Variants in SEC31A observed in about 807,000 individuals in gnomAD.
The protein encoded by SEC31A is protein transport protein Sec31A.
SEC31A carries 70 observed loss-of-function variants against 151.0 expected under a neutral mutation model. The observed-to-expected ratio is 0.46, with a 90% CI of 0.38 to 0.57. The LOEUF (loss-of-function observed/expected upper bound fraction) is 0.57. Among genes scored for constraint, SEC31A ranks in the 20% least tolerant of loss-of-function variants. SEC31A has a pLI of 0.00. For synonymous variants in SEC31A, 475 were observed against 505.9 expected (o/e 0.94, Z 0.82); for missense variants, 1,330 against 1,471.2 (o/e 0.90, Z 1.57).
At chr4:82,878,238 G>A (rs1738447173) in intron 4 of SEC31A, among the ~76,000 whole-genome samples, 1 of 151,962 alleles carries the variant, frequency 6.6e-6, no homozygotes, top group African/African-American at 2.4e-5. Context: ...GCTCACGTCT[G>A]TAATCCCAGC....
Position 82,865,536 on chromosome 4 carries a change from GTATATATA to G in SEC31A, c.1198-946_1198-939del, listed in dbSNP as rs55681370. On this transcript the variant is annotated intron_variant, in intron 10 of 26. Coordinates refer to ENST00000395310, the MANE Select transcript of SEC31A (RefSeq NM_001077207.4). ...AAATGAATGGATAAAAAAAAATGTG[GTATATATA>G]TATATATATATATATATATATATAT... Among the ~76,000 whole-genome samples, 187 of 137,142 alleles carry G rather than the reference GTATATATA, an allele frequency of 1.4e-3. 3 individuals carry two copies. Among genetic ancestry groups the G allele is most frequent in the Middle Eastern group, 8.3e-3 (2 of 240 alleles). The allele number at this position is 137,142 out of a possible 152,430, so 90.0% of individuals were successfully genotyped here. A position where few individuals can be genotyped will look rare whatever the true frequency, so the allele number is the denominator to read the frequency against.
rs33968103 is a variant in SEC31A at position 82,861,905 on chromosome 4, CTTTTT to C, written c.1549-202_1549-198del. ...CTATTACTGCTAACACTTTCCCATT[CTTTTT>C]TTTTTTTTTTTTTTTTTTTTTGAGA... On this transcript the variant is annotated intron_variant, in intron 13 of 26. Coordinates refer to ENST00000395310, the MANE Select transcript of SEC31A (RefSeq NM_001077207.4). 25 of 89,684 alleles carry C rather than the reference CTTTTT, an allele frequency of 2.8e-4. No individual in the cohort carries two copies. The South Asian group carries it at 3.5e-3, about 13-fold the overall frequency. 5.6% of individuals were successfully genotyped at this position (89,684 alleles called of 1,614,324 possible). A position where few individuals can be genotyped will look rare whatever the true frequency, so the allele number is the denominator to read the frequency against.
intron 3 of SEC31A, among the ~76,000 whole-genome samples, chr4:82,896,654 A>G (rs528791735): frequency 1.1e-4 from 16 of 152,152 alleles, no homozygotes; most frequent in Non-Finnish European, 1.9e-4. Flanking sequence ...AGCTACTTAG[A>G]GAAGCTAATT....
intron 1 of SEC31A, among the ~76,000 whole-genome samples, chr4:82,888,196 G>A (rs1741220848): frequency 1.3e-5 from 2 of 148,516 alleles, no homozygotes; most frequent in African/African-American, 2.5e-5. Flanking sequence ...CCAACATGGC[G>A]AAACCCCGTC....
At chr4:82,819,556 TAA>T (rs964148346) in intron 26 of SEC31A, among the ~76,000 whole-genome samples, 4 of 152,172 alleles carry the variant, frequency 2.6e-5, no homozygotes, top group Admixed American at 6.5e-5. Context: ...TCTCTCCACT[TAA>T]GAGAGCTTCA....
At position 82,864,429 on chromosome 4, in the gene SEC31A, T is replaced by C. The variant is rs1228440090; in HGVS notation, c.1367A>G (p.Asn456Ser). 5.0e-6 allele frequency: 8 copies of C among 1,614,062 alleles called. No individual in the cohort carries two copies. In the Admixed American group the frequency reaches 5.0e-5, roughly 10 times the overall value. ...AGCATCAATTTTTTTTTGGCAATAA[T>C]TGATAAATCCTTGTGACTGCACAGC... ...QQAVQSQGFI[N>S]YCQKKIDASQ... The change falls in exon 11 of 27, where the codon AAT (asparagine) becomes AGT (serine). Residue 456 changes from asparagine (N) to serine (S), a missense_variant. Coordinates refer to ENST00000395310, the MANE Select transcript of SEC31A (RefSeq NM_001077207.4).
In SEC31A at chr4:82,878,716, G is replaced by C. The variant is rs887658976; in HGVS notation, c.402+14C>G. ...GCACATAGTCTAAGAATTATGAAAT[G>C]TTAAAGTCTTAACCTGGAAAATGTT... On this transcript the variant is annotated intron_variant, in intron 4 of 26. Transcript: ENST00000395310. 2 of 1,602,002 alleles carry C rather than the reference G, an allele frequency of 1.2e-6. No individual in the cohort carries two copies. The highest frequency in any genetic ancestry group is 1.7e-5 in the Admixed American group (1 of 59,844).
chr4:82,896,678 G>A (rs1720075900), intron 3 of SEC31A, among the ~76,000 whole-genome samples: 1 of 152,132 alleles, frequency 6.6e-6, no homozygotes, highest in African/African-American at 2.4e-5. Context: ...ACTAGAGTAT[G>A]GCTAGAAATT....
At position 82,845,201 on chromosome 4, in the gene SEC31A, CTG is replaced by C. The variant is rs1729794011; in HGVS notation, c.2503-694_2503-693del. ...CAAAGAGGAATAATGAAGGATATAC[CTG>C]TGTGTCAGAGGGAGAGGCTGCAGGT... On this transcript the variant is annotated intron_variant, in intron 20 of 26. Coordinates refer to ENST00000395310, the MANE Select transcript of SEC31A (RefSeq NM_001077207.4). The C allele has an allele frequency of 4.6e-6, 7 of 1,519,062 alleles. No individual in the cohort carries two copies. In the East Asian group the frequency reaches 1.7e-4, roughly 37 times the overall value. The allele number at this position is 1,519,062 out of a possible 1,614,324, so 94.1% of individuals were successfully genotyped here. A position where few individuals can be genotyped will look rare whatever the true frequency, so the allele number is the denominator to read the frequency against.
chr4:82,821,822 T>C (rs1195861959), intron 25 of SEC31A, among the ~76,000 whole-genome samples: 3 of 152,134 alleles, frequency 2.0e-5, no homozygotes, highest in Non-Finnish European at 2.9e-5. Context: ...TTGTCGATTA[T>C]GGGTGGTAGA....
In SEC31A at chr4:82,874,651, T is replaced by A; in HGVS notation, c.599A>T (p.Lys200Ile). The A allele has an allele frequency of 6.2e-7, 1 of 1,611,826 alleles. No homozygotes were observed. Residue 200 changes from lysine (K) to isoleucine (I), a missense_variant, in exon 6 of 27, where the codon AAA (lysine) becomes ATA (isoleucine). Physicochemically the swap from Lys to Ile is moderately radical, Grantham distance 102. Transcript: ENST00000395310. ...ACTGACTTTGATGATTGGCTCATTT[T>A]TTCTAAGATCCCATACAGTGGCCCG... ...SGRATVWDLR[K>I]NEPIIKVSDH...
Position 82,829,000 on chromosome 4 carries a change from C to T in SEC31A, c.3027G>A (p.Lys1009=). ...PALNRVPKKK[K]MPENFMPPVP... ...TTGGATGGACATCTTTTTCTAGTAC[C>T]TTCTTCTTTTTGGGTACTCTGTTCA... Residue 1009 remains lysine (K), a splice_region_variant and synonymous_variant, in exon 23 of 27, where the codon AAG becomes AAA. Transcript: ENST00000395310. 1 of 1,613,144 alleles carries T rather than the reference C, an allele frequency of 6.2e-7. No individual in the cohort carries two copies.
intron 22 of SEC31A, among the ~76,000 whole-genome samples, chr4:82,837,275 T>C (rs1338910605): frequency 6.7e-6 from 1 of 149,200 alleles, no homozygotes; most frequent in East Asian, 2.0e-4. Flanking sequence ...ATGAAGGGAA[T>C]AAATAAACCT....
intron 3 of SEC31A, among the ~76,000 whole-genome samples, chr4:82,879,363 C>A (rs1304665051): frequency 1.2e-5 from 1 of 85,334 alleles, no homozygotes; most frequent in African/African-American, 3.8e-5. Flanking sequence ...ATGCTTTGAC[C>A]TTTGTCTGAA....
At chr4:82,855,513 T>C (rs1732434506) in intron 16 of SEC31A, among the ~76,000 whole-genome samples, 1 of 151,116 alleles carries the variant, frequency 6.6e-6, no homozygotes, top group South Asian at 2.1e-4. Flanking sequence ...TGAGATGAGA[T>C]GAGGCTAATG....
intron 22 of SEC31A, among the ~76,000 whole-genome samples, chr4:82,835,115 G>C (rs1726901050): frequency 6.6e-6 from 1 of 152,154 alleles, no homozygotes; most frequent in Admixed American, 6.5e-5. Flanking sequence ...CCAAAGTGCT[G>C]GGATTACAGG....
At chr4:82,876,032 A>G (rs1737834265) in intron 4 of SEC31A, among the ~76,000 whole-genome samples, 1 of 152,136 alleles carries the variant, frequency 6.6e-6, no homozygotes, top group Admixed American at 6.5e-5. Flanking sequence ...TCTACTTAAC[A>G]AAGACAAAAG....
chr4:82,887,637 T>A (rs1237544152), intron 1 of SEC31A, among the ~76,000 whole-genome samples: 1 of 152,246 alleles, frequency 6.6e-6, no homozygotes, highest in African/African-American at 2.4e-5. Flanking sequence ...TACAGGGTTG[T>A]TGTGAGAAAT....
Position 82,875,961 on chromosome 4 carries a change from T to C in SEC31A, c.403-139A>G, listed in dbSNP as rs1028584192. On this transcript the variant is annotated intron_variant, in intron 4 of 26. Coordinates refer to ENST00000395310, the MANE Select transcript of SEC31A (RefSeq NM_001077207.4). Reference sequence around the variant, plus strand: ...ATTTGAAAAGTGAAAAACATATGCATGAATTTCTAAATTATGCATAATTCT... The same window carrying C: ...ATTTGAAAAGTGAAAAACATATGCACGAATTTCTAAATTATGCATAATTCT... The C allele has an allele frequency of 8.8e-6, 4 of 452,604 alleles. No individual in the cohort carries two copies. The Admixed American group carries it at 1.3e-4, about 14-fold the overall frequency. 28.0% of individuals were successfully genotyped at this position (452,604 alleles called of 1,614,324 possible).
Sources: allele counts gnomAD v4.1 joint callset (sites outside exome capture counted in the v4.1 genomes callset), GRCh38; gene constraint gnomAD v4.1.1; transcripts MANE v1.5; gene names NCBI Gene and HGNC (gene_info 2026-07-23, HGNC 2026-07-21).